Variants in HMCN2 observed in about 807,000 individuals in gnomAD.
The protein encoded by HMCN2 is hemicentin-2.
A neutral mutation model predicts 377.5 loss-of-function variants in HMCN2; 325 were observed. That is an observed-to-expected ratio of 0.86 (90% CI 0.79 to 0.94). The LOEUF is 0.94. Ranked by LOEUF, HMCN2 falls within the 40% of genes least tolerant of loss-of-function variation. The pLI, the probability that HMCN2 is intolerant of heterozygous loss-of-function variation, is 0.00. For missense variants in HMCN2, 4,543 were observed against 4,725.3 expected (o/e 0.96, Z 1.13); for synonymous variants, 2,007 against 2,046.8 (o/e 0.98, Z 0.53).
In HMCN2 at chr9:130,430,588, G is replaced by A. The variant is rs747503681; in HGVS notation, c.14631G>A (p.Gln4877=). ...GGTGCCCTCCTGGTTTCATCAGGCAGAACGGAGTCTGCACAGGTAAGGCCA... is the reference window on the plus strand; with the variant it reads ...GGTGCCCTCCTGGTTTCATCAGGCAAAACGGAGTCTGCACAGGTAAGGCCA... ...RAWCPPGFIR[Q]NGVCTDLDEC... is the part of the protein sequence containing the mutation. The change falls in exon 95 of 98, where the codon CAG becomes CAA. Residue 4877 remains glutamine, a synonymous_variant. Coordinates refer to ENST00000683500, the MANE Select transcript of HMCN2 (RefSeq NM_001291815.2). 6.5e-7 allele frequency: 1 copy of A among 1,549,810 alleles called. No individual in the cohort carries two copies. The highest frequency in any genetic ancestry group is 1.4e-5 in the African/African-American group (1 of 73,066).
intron 22 of HMCN2, among the ~76,000 whole-genome samples, chr9:130,334,761 C>CT (rs1838641817): frequency 0.011 from 266 of 24,898 alleles, 1 homozygote; most frequent in South Asian, 0.031. Flanking sequence ...TCTCTCTCTT[C>CT]TCTCTCTCTC....
At position 130,418,866 on chromosome 9, in the gene HMCN2, C is replaced by T. The variant is rs1181416190; in HGVS notation, c.13056C>T (p.Pro4352=). The change falls in exon 86 of 98, where the codon CCC becomes CCT. Residue 4352 remains proline (P), a synonymous_variant. Transcript: ENST00000683500. Reference sequence around the variant, plus strand: ...GCCAGGCCACTGGAGAGCCCACACCCACCATTGAATGGCTACAGGCGGGTC... The same window carrying T: ...GCCAGGCCACTGGAGAGCCCACACCTACCATTGAATGGCTACAGGCGGGTC... ...LRCQATGEPT[P]TIEWLQAGQP... 1 of 1,549,560 alleles carries T rather than the reference C, an allele frequency of 6.5e-7. No individual in the cohort carries two copies. The highest frequency in any genetic ancestry group is 2.4e-5 in the East Asian group (1 of 40,892).
chr9:130,406,280 C>G lies in HMCN2; in HGVS notation c.12553+112C>G, dbSNP rs777075165. ...TGGAAAGGAAGAGGTTGTCAGCCAG[C>G]CCTGTTGGTTCTGGGTCTTCCAACG... On this transcript the variant is annotated intron_variant, in intron 82 of 97. Coordinates refer to ENST00000683500, the MANE Select transcript of HMCN2 (RefSeq NM_001291815.2). 37 of 950,798 alleles carry G rather than the reference C, an allele frequency of 3.9e-5. No homozygotes were observed. The South Asian group carries it at 5.2e-4, about 13-fold the overall frequency. The allele number at this position is 950,798 out of a possible 1,614,324, so 58.9% of individuals were successfully genotyped here. A position where few individuals can be genotyped will look rare whatever the true frequency, so the allele number is the denominator to read the frequency against.
intron 89 of HMCN2, 48 bp from the exon 90 acceptor site, chr9:130,425,639 T>TCCCCC: frequency 9.6e-7 from 1 of 1,039,458 alleles, no homozygotes; most frequent in Non-Finnish European, 1.4e-6. Flanking sequence ...GACCCCTTTC[T>TCCCCC]CCCTCTCCCC....
chr9:130,431,268 A>G, intron 95 of HMCN2, 99 bp from the exon 96 acceptor site: 1 of 1,236,030 alleles, frequency 8.1e-7, no homozygotes, highest in Non-Finnish European at 1.1e-6. Flanking sequence ...GGGCAGCTCC[A>G]GAGCCCAGCG....
chr9:130,283,736 C>T (rs1236803038), intron 1 of HMCN2, among the ~76,000 whole-genome samples: 3 of 152,096 alleles, frequency 2.0e-5, no homozygotes, highest in African/African-American at 7.2e-5. Flanking sequence ...CTGTTGTTGC[C>T]TATATTGGTA....
At chr9:130,323,703 T>A (rs929023440) in intron 19 of HMCN2, among the ~76,000 whole-genome samples, 30 of 151,716 alleles carry the variant, frequency 2.0e-4, no homozygotes, top group South Asian at 4.2e-4. Flanking sequence ...TTTTTTTTTT[T>A]ATTTTACTTA....
At position 130,303,613 on chromosome 9, in the gene HMCN2, G is replaced by A; in HGVS notation, c.1543+5G>A. The A allele has an allele frequency of 3.5e-6, 1 of 285,548 alleles. No individual in the cohort carries two copies. Among genetic ancestry groups the A allele is most frequent in the Non-Finnish European group, 7.8e-6 (1 of 128,434 alleles). 17.7% of individuals were successfully genotyped at this position (285,548 alleles called of 1,614,324 possible). On this transcript the variant is annotated splice_donor_5th_base_variant and intron_variant, in intron 10 of 97. Transcript: ENST00000683500. This position sits in a 1 kb window ranked among gnomAD's most constrained non-coding sequence, Gnocchi z 5.2. ...AGGCCCAGATTGTTGTCACAGGTCT[G>A]TCCCTTGGGGCCCCTCCATGTACCC...
rs1838034518 is a variant in HMCN2, at chr9:130,324,719, G to A, written c.2921-876G>A. Among the ~76,000 whole-genome samples the A allele has an allele frequency of 1.2e-4, 19 of 152,142 alleles. No individual in the cohort carries two copies. The South Asian group carries it at 3.5e-3, about 28-fold the overall frequency. On this transcript the variant is annotated intron_variant, in intron 19 of 97. Transcript: ENST00000683500. ...AGCTCACTGCAACCTCCACCTCCCG[G>A]GTTCAAGTAATTCTCCTGCCTCAGC... is the stretch of plus-strand genomic sequence containing the variant.
intron 14 of HMCN2, among the ~76,000 whole-genome samples, chr9:130,309,532 A>G: frequency 6.6e-6 from 1 of 151,150 alleles, no homozygotes. Flanking sequence ...AAAAAAAAAA[A>G]AAAAAGGAAA....
intron 81 of HMCN2, 61 bp downstream of exon 81, chr9:130,405,120 C>T (rs1321640206): frequency 6.1e-6 from 7 of 1,153,208 alleles, no homozygotes; most frequent in Non-Finnish European, 7.9e-6. Flanking sequence ...GTTTGTCATG[C>T]TCTGCGCTGA....
chr9:130,318,874 A>G (rs1837700254), intron 15 of HMCN2, among the ~76,000 whole-genome samples: 1 of 152,204 alleles, frequency 6.6e-6, no homozygotes, highest in Admixed American at 6.5e-5. Context: ...TCTAGAGAAG[A>G]GGGTGAAGAA....
chr9:130,348,048 G>C, intron 26 of HMCN2: 1 of 985,360 alleles, frequency 1.0e-6, no homozygotes. Flanking sequence ...AGTGTGGGTG[G>C]GCTGGGGAGT....
At position 130,414,520 on chromosome 9, in the gene HMCN2, T is replaced by C. The variant is rs1843587322; in HGVS notation, c.12961+3868T>C. Among the ~76,000 whole-genome samples the C allele has an allele frequency of 6.6e-6, 1 of 151,810 alleles. No homozygotes were observed. Among genetic ancestry groups the C allele is most frequent in the South Asian group, 2.1e-4 (1 of 4,812 alleles). On this transcript the variant is annotated intron_variant, in intron 85 of 97. Coordinates refer to ENST00000683500, the MANE Select transcript of HMCN2 (RefSeq NM_001291815.2). This position sits in a 1 kb window ranked among gnomAD's most constrained non-coding sequence, Gnocchi z 4.4. ...TTACACACCAGGAACAAGGAAAAGC[T>C]CAACTTACACACCAGGAACAAGGAA...
rs1424321199 is a variant in HMCN2 at position 130,374,643 on chromosome 9, C to A, written c.7580C>A (p.Ala2527Glu). 16 of 985,720 alleles carry A rather than the reference C, an allele frequency of 1.6e-5. No individual in the cohort carries two copies. Among genetic ancestry groups the A allele is most frequent in the Non-Finnish European group, 1.8e-5 (15 of 829,958 alleles). The allele number at this position is 985,720 out of a possible 1,614,324, so 61.1% of individuals were successfully genotyped here. ...AGTGCTGGCCACTACTCCTGCATTG[C>A]AGCCAACGCTGTTGGGGAGAAGACC... is the stretch of plus-strand genomic sequence containing the variant. ...LSSAGHYSCI[A>E]ANAVGEKTKH... Residue 2527 changes from alanine (A) to glutamate (E), a missense_variant, in exon 49 of 98, where the codon GCA becomes GAA. Ala to Glu is a moderately radical substitution (Grantham distance 107). This residue lies in a region of HMCN2 where 736 missense variants were observed against 773.2 expected (regional missense o/e 0.95). Coordinates refer to ENST00000683500, the MANE Select transcript of HMCN2 (RefSeq NM_001291815.2).
At chr9:130,271,353 A>G (rs940196014) in intron 1 of HMCN2, among the ~76,000 whole-genome samples, 2 of 148,780 alleles carry the variant, frequency 1.3e-5, no homozygotes, top group Non-Finnish European at 3.0e-5. Context: ...ATCTATCTAC[A>G]TGGATTATTT....
chr9:130,384,007 C>T (rs72761284), intron 57 of HMCN2, among the ~76,000 whole-genome samples: 27,383 of 152,192 alleles, frequency 0.18, 3,039 homozygotes, highest in Non-Finnish European at 0.25. Context: ...GCCTGCACTC[C>T]TAACCTCTGC....
Position 130,393,686 on chromosome 9 carries a change from T to G in HMCN2, c.10235-56T>G. The G allele has an allele frequency of 8.3e-7, 1 of 1,200,266 alleles. No homozygotes were observed. The highest frequency in any genetic ancestry group is 1.1e-6 in the Non-Finnish European group (1 of 946,040). 74.4% of individuals were successfully genotyped at this position (1,200,266 alleles called of 1,614,324 possible). On this transcript the variant is annotated intron_variant, in intron 67 of 97. Coordinates refer to ENST00000683500, the MANE Select transcript of HMCN2 (RefSeq NM_001291815.2). The surrounding 1 kb of genome is among the most constrained non-coding windows in gnomAD (Gnocchi z 5.2). ...AAGAGGTGATGTCTAAGCTGAGTAC[T>G]GGAGATGAGAGTCCTGGAATAAAAT...
At chr9:130,406,190 G>T in intron 82 of HMCN2, 22 bp downstream of exon 82, 1 of 1,288,940 alleles carries the variant, frequency 7.8e-7, no homozygotes, top group Non-Finnish European at 1.0e-6. Context: ...CTGGGCATGG[G>T]TGGGACAGAG....
Sources: gnomAD v4.1 joint callset for allele counts (sites outside exome capture counted in the v4.1 genomes callset) on GRCh38, gnomAD v4.1.1 for gene constraint, gnomAD v4.1.1 regional missense constraint, Gnocchi (gnomAD v3.1) non-coding constraint, MANE v1.5 for transcripts, NCBI Gene and HGNC (gene_info 2026-07-23, HGNC 2026-07-21) for gene names.